The following PHF19 variants were observed in gnomAD, a reference collection of about 807,000 sequenced individuals.
PHF19 encodes polycomb like 3.
PHF19 carries 21 observed loss-of-function variants against 79.8 expected under a neutral mutation model. The observed-to-expected ratio is 0.26, with a 90% CI of 0.19 to 0.38. PHF19 has a LOEUF of 0.38. Ranked by LOEUF, PHF19 falls within the 10% of genes least tolerant of loss-of-function variation. The pLI is 1.00. For synonymous variants in PHF19, 273 were observed against 296.3 expected (o/e 0.92, Z 0.81); for missense variants, 445 against 744.2 (o/e 0.60, Z 4.68).
Position 120,857,479 on chromosome 9 carries a change from G to A in PHF19, c.*465C>T, listed in dbSNP as rs975339463. On this transcript the variant is annotated 3_prime_UTR_variant, in exon 15 of 15. Coordinates refer to ENST00000373896, the MANE Select transcript of PHF19 (RefSeq NM_015651.3). ...CACCTTCTCCCATGCTCTCTCAAAG[G>A]TGCCTGTTATGTAGTCCCTGGGAGG... 6.4e-6 allele frequency: 1 copy of A among 157,104 alleles called. No individual in the cohort carries two copies. Among genetic ancestry groups the A allele is most frequent in the Non-Finnish European group, 1.4e-5 (1 of 71,598 alleles). The allele number at this position is 157,104 out of a possible 1,614,324, so 9.7% of individuals were successfully genotyped here. A position where few individuals can be genotyped will look rare whatever the true frequency, so the allele number is the denominator to read the frequency against.
At chr9:120,878,955 C>T (rs1395072882), upstream of PHF19, among the ~76,000 whole-genome samples, 3 of 152,204 alleles carry the variant, frequency 2.0e-5, no homozygotes, top group South Asian at 2.1e-4. Flanking sequence ...GGTCTGCCTT[C>T]AGGATGCTGG....
chr9:120,877,997 A>G (rs538223593), upstream of PHF19, among the ~76,000 whole-genome samples: 1 of 152,234 alleles, frequency 6.6e-6, no homozygotes, highest in African/African-American at 2.4e-5. Flanking sequence ...TTCCTGAAAA[A>G]GTGGCATTCA....
Position 120,869,137 on chromosome 9 carries a change from G to C in PHF19, c.614+45C>G. The C allele has an allele frequency of 6.4e-7, 1 of 1,565,794 alleles. No homozygotes were observed. The stretch of plus-strand genomic sequence containing the variant: ...TGGGCGGTCCCTGCTGGCGATTCTT[G>C]GAGACCTGCCCTGCCGCCCGGGGGG... On this transcript the variant is annotated intron_variant, in intron 6 of 14. Coordinates refer to ENST00000373896, the MANE Select transcript of PHF19 (RefSeq NM_015651.3). This position sits in a 1 kb window ranked among gnomAD's most constrained non-coding sequence, Gnocchi z 5.8.
At chr9:120,901,885 C>CCTG in the PHF19 span, among the ~76,000 whole-genome samples, 2 of 152,170 alleles carry the variant, frequency 1.3e-5, no homozygotes, top group African/African-American at 4.8e-5. Flanking sequence ...GGTGGAGGCA[C>CCTG]TAACCTGTAA....
At chr9:120,864,156 T>C in intron 9 of PHF19, 40 bp from the exon 10 acceptor site, 1 of 1,575,686 alleles carries the variant, frequency 6.3e-7, no homozygotes, top group South Asian at 1.1e-5. Flanking sequence ...GACCCAGGCA[T>C]ATGGCGCATG....
intron 1 of PHF19, among the ~76,000 whole-genome samples, chr9:120,886,950 C>T (rs2046271647): frequency 6.6e-6 from 1 of 151,588 alleles, no homozygotes; most frequent in African/African-American, 2.4e-5. Context: ...CACACCTATA[C>T]AGCTACCCGG....
upstream of PHF19, chr9:120,895,004 T>C (rs1175029972): frequency 1.3e-5 from 5 of 372,920 alleles, no homozygotes; most frequent in Non-Finnish European, 2.4e-5. Context: ...CCTTCTCTTG[T>C]ATTTGTGTAA....
At position 120,866,149 on chromosome 9, in the gene PHF19, A is replaced by C. The variant is rs1588102907; in HGVS notation, c.711-53T>G. Reference sequence around the variant, plus strand: ...TGGTGGGAGGGGCTCTGACACCCCCACCCCAGTCCAGCCCCTTGATCTCCT... The same window carrying C: ...TGGTGGGAGGGGCTCTGACACCCCCCCCCCAGTCCAGCCCCTTGATCTCCT... On this transcript the variant is annotated intron_variant, in intron 7 of 14. Coordinates refer to ENST00000373896, the MANE Select transcript of PHF19 (RefSeq NM_015651.3). The surrounding 1 kb of genome is among the most constrained non-coding windows in gnomAD (Gnocchi z 5.2). 6 of 1,273,946 alleles carry C rather than the reference A, an allele frequency of 4.7e-6. No homozygotes were observed. Among genetic ancestry groups the C allele is most frequent in the Non-Finnish European group, 6.9e-6 (6 of 870,764 alleles). 78.9% of individuals were successfully genotyped at this position (1,273,946 alleles called of 1,614,324 possible). A position where few individuals can be genotyped will look rare whatever the true frequency, so the allele number is the denominator to read the frequency against.
At chr9:120,863,986 G>A in intron 10 of PHF19, 63 bp downstream of exon 10, 1 of 1,310,266 alleles carries the variant, frequency 7.6e-7, no homozygotes, top group South Asian at 1.2e-5. Flanking sequence ...CAAAGGCTAT[G>A]AGGTAGGAAG....
chr9:120,869,211 T>A lies in PHF19; in HGVS notation c.585A>T (p.Gln195His). ...WDSPHRTNQQ[Q>H]CYCYCGGPGE... ...CGGGCCCGCCGCAGTAGCAGTAGCATTGCTGCTGGTTGGTGCGATGGGGCG... is the reference window on the plus strand; with the variant it reads ...CGGGCCCGCCGCAGTAGCAGTAGCAATGCTGCTGGTTGGTGCGATGGGGCG... The change falls in exon 6 of 15, where the codon CAA becomes CAT. Residue 195 changes from glutamine (Q) to histidine (H), a missense_variant. This residue lies in a region of PHF19 where 167 missense variants were observed against 375.8 expected (regional missense o/e 0.44). Transcript: ENST00000373896. The surrounding 1 kb of genome is among the most constrained non-coding windows in gnomAD (Gnocchi z 5.8). The A allele has an allele frequency of 6.2e-7, 1 of 1,611,592 alleles. No homozygotes were observed. The highest frequency in any genetic ancestry group is 1.3e-5 in the African/African-American group (1 of 75,036).
At chr9:120,884,104 C>T (rs2046229586) in intron 1 of PHF19, among the ~76,000 whole-genome samples, 1 of 152,182 alleles carries the variant, frequency 6.6e-6, no homozygotes, top group Non-Finnish European at 1.5e-5. Context: ...ATTTGACCCA[C>T]CAAAAGCTGC....
chr9:120,896,449 T>C (rs202090881), upstream of PHF19, among the ~76,000 whole-genome samples: 1 of 29,362 alleles, frequency 3.4e-5, no homozygotes, highest in East Asian at 1.4e-3. Context: ...TTTTTTTTTT[T>C]TCTTTTTTTT....
At chr9:120,877,331 G>A, upstream of PHF19, 10 of 981,174 alleles carry the variant, frequency 1.0e-5, no homozygotes, top group Non-Finnish European at 1.2e-5. Context: ...TCTTTTTCGC[G>A]TTTTCCCGCG....
intron 1 of PHF19, among the ~76,000 whole-genome samples, chr9:120,893,732 T>C (rs762254291): frequency 6.6e-6 from 1 of 152,094 alleles, no homozygotes. Flanking sequence ...CCTCTGAGGG[T>C]TGGACACCAG....
chr9:120,859,732 A>G lies in PHF19; in HGVS notation c.1400+358T>C, dbSNP rs116296464. On this transcript the variant is annotated intron_variant, in intron 14 of 14. Coordinates refer to ENST00000373896, the MANE Select transcript of PHF19 (RefSeq NM_015651.3). ...CAGGGAACTCTGTAGTCCAAGAGGC[A>G]GAGAGACACCCAAGCTCATGGCACG... 8.9e-3 allele frequency among the ~76,000 whole-genome samples: 1,363 copies of G among 152,358 alleles called. 22 individuals carry two copies. The highest frequency in any genetic ancestry group is 0.031 in the African/African-American group (1,308 of 41,564).
upstream of PHF19, among the ~76,000 whole-genome samples, chr9:120,898,219 C>T (rs1423066979): frequency 6.6e-6 from 1 of 152,272 alleles, no homozygotes; most frequent in East Asian, 1.9e-4. Context: ...TGGGTTCAAG[C>T]GATTCTCCTG....
At chr9:120,861,015 T>A (rs1395267565) in intron 13 of PHF19, 74 bp downstream of exon 13, 3 of 880,964 alleles carry the variant, frequency 3.4e-6, no homozygotes, top group African/African-American at 3.3e-5. Flanking sequence ...TCCTTTTAAC[T>A]GAGGGCTTGG....
chr9:120,887,314 C>T (rs917282671), intron 1 of PHF19, among the ~76,000 whole-genome samples: 4 of 152,024 alleles, frequency 2.6e-5, no homozygotes, highest in East Asian at 3.9e-4. Context: ...ATTAGCCAGT[C>T]GTGGTGGCGC....
intron 10 of PHF19, chr9:120,863,026 C>T (rs2045580909): frequency 1.2e-5 from 5 of 410,660 alleles, no homozygotes; most frequent in African/African-American, 6.1e-5. Context: ...GCCCCAAGGC[C>T]ACCTCCTGCA....
Sources: allele counts gnomAD v4.1 joint callset (sites outside exome capture counted in the v4.1 genomes callset), GRCh38; gene constraint gnomAD v4.1.1; regional missense constraint gnomAD v4.1.1; non-coding constraint Gnocchi (gnomAD v3.1); transcripts MANE v1.5; gene names NCBI Gene and HGNC (gene_info 2026-07-23, HGNC 2026-07-21).